The following TAFA1 variants were observed in gnomAD, a reference collection of about 807,000 sequenced individuals.
The protein encoded by TAFA1 is TAFA chemokine like family member 1.
A neutral mutation model predicts 18.5 loss-of-function variants in TAFA1; 4 were observed. The observed-to-expected ratio is 0.22, with a 90% CI of 0.11 to 0.49. The LOEUF (loss-of-function observed/expected upper bound fraction) is 0.49, where lower values mean the gene tolerates loss of function less well. TAFA1 is among the 20% of genes least tolerant of loss of function. TAFA1 has a pLI of 0.98. For missense variants in TAFA1, 147 were observed against 169.0 expected (o/e 0.87, Z 0.72); for synonymous variants, 56 against 55.2 (o/e 1.01, Z -0.06).
chr3:68,282,886 G>A (rs1254041673), intron 2 of TAFA1, among the ~76,000 whole-genome samples: 2 of 152,122 alleles, frequency 1.3e-5, no homozygotes, highest in African/African-American at 4.8e-5. Context: ...CATGAAAGGG[G>A]CCTTGGAGCT....
intron 2 of TAFA1, among the ~76,000 whole-genome samples, chr3:68,275,131 C>G (rs2067768937): frequency 6.6e-6 from 1 of 151,974 alleles, no homozygotes; most frequent in Non-Finnish European, 1.5e-5. Flanking sequence ...CTGAGCACAT[C>G]TAACGAAGAA....
intron 3 of TAFA1, among the ~76,000 whole-genome samples, chr3:68,492,727 T>A (rs2072475545): frequency 1.3e-5 from 2 of 151,898 alleles, no homozygotes; most frequent in Non-Finnish European, 2.9e-5. Context: ...TGTAGTTTTT[T>A]TCTTCTTCTT....
At chr3:68,406,064 C>T (rs761795771) in intron 2 of TAFA1, among the ~76,000 whole-genome samples, 2 of 152,098 alleles carry the variant, frequency 1.3e-5, no homozygotes, top group African/African-American at 2.4e-5. Flanking sequence ...CTTACAGGGA[C>T]GAGGGCTTAG....
chr3:68,271,366 A>G (rs2067663555), intron 2 of TAFA1, among the ~76,000 whole-genome samples: 1 of 152,070 alleles, frequency 6.6e-6, no homozygotes, highest in Admixed American at 6.6e-5. Context: ...ATAACCAATC[A>G]TATTGTCCAG....
intron 3 of TAFA1, among the ~76,000 whole-genome samples, chr3:68,455,564 C>G (rs1047796091): frequency 6.6e-6 from 1 of 152,122 alleles, no homozygotes; most frequent in Non-Finnish European, 1.5e-5. Context: ...CATTCATCTC[C>G]ATCAATTTGT....
chr3:68,104,049 C>G (rs941680818), intron 2 of TAFA1, among the ~76,000 whole-genome samples: 4 of 152,134 alleles, frequency 2.6e-5, no homozygotes, highest in African/African-American at 7.2e-5. Flanking sequence ...TCCAGTGCAT[C>G]ACAGGAATTT....
At chr3:68,491,136 G>T (rs2072444999) in intron 3 of TAFA1, among the ~76,000 whole-genome samples, 1 of 152,100 alleles carries the variant, frequency 6.6e-6, no homozygotes, top group South Asian at 2.1e-4. Flanking sequence ...ACTGCAGCTG[G>T]CCTCCTCCAC....
At chr3:68,037,558 C>A (rs1358993264) in intron 2 of TAFA1, among the ~76,000 whole-genome samples, 1 of 152,022 alleles carries the variant, frequency 6.6e-6, no homozygotes, top group Non-Finnish European at 1.5e-5. Context: ...TTCTTTTACT[C>A]AATAAAGTAG....
chr3:68,233,867 G>C (rs1241377440), intron 2 of TAFA1, among the ~76,000 whole-genome samples: 2 of 151,878 alleles, frequency 1.3e-5, no homozygotes, highest in East Asian at 3.9e-4. Flanking sequence ...TTTTTTGTCT[G>C]TGGTCTCACT....
At chr3:68,394,559 C>G (rs2070335442) in intron 2 of TAFA1, among the ~76,000 whole-genome samples, 1 of 152,124 alleles carries the variant, frequency 6.6e-6, no homozygotes, top group Non-Finnish European at 1.5e-5. Context: ...AACCATACTG[C>G]AAGACTACAG....
chr3:68,295,109 C>CCTTATATTTGCT (rs2068184712), intron 2 of TAFA1, among the ~76,000 whole-genome samples: 1 of 148,336 alleles, frequency 6.7e-6, no homozygotes, highest in Non-Finnish European at 1.5e-5. Context: ...CCTCCTGAGC[C>CCTTATATTTGCT]CTAACAGTTG....
At chr3:68,205,246 G>A (rs1009041060) in intron 2 of TAFA1, among the ~76,000 whole-genome samples, 8 of 151,806 alleles carry the variant, frequency 5.3e-5, no homozygotes, top group African/African-American at 1.7e-4. Flanking sequence ...ACTCTTAGTC[G>A]ATAAACCCAT....
chr3:68,141,910 C>G (rs1357665519), intron 2 of TAFA1, among the ~76,000 whole-genome samples: 1 of 152,188 alleles, frequency 6.6e-6, no homozygotes, highest in Non-Finnish European at 1.5e-5. Flanking sequence ...CTGAAAAGAA[C>G]CAGTTCAGCA....
intron 2 of TAFA1, among the ~76,000 whole-genome samples, chr3:68,040,005 G>A (rs1705131067): frequency 6.6e-6 from 1 of 152,184 alleles, no homozygotes; most frequent in Admixed American, 6.5e-5. Context: ...TATGTTCATA[G>A]AAAGTCCTCC....
intron 3 of TAFA1, among the ~76,000 whole-genome samples, chr3:68,524,827 C>A (rs1029346722): frequency 6.6e-6 from 1 of 152,026 alleles, no homozygotes; most frequent in Non-Finnish European, 1.5e-5. Flanking sequence ...CCCGCCACCA[C>A]CCCCTGCTAA....
At chr3:68,177,279 T>A (rs1180939791) in intron 2 of TAFA1, among the ~76,000 whole-genome samples, 2 of 152,180 alleles carry the variant, frequency 1.3e-5, no homozygotes, top group Non-Finnish European at 2.9e-5. Context: ...ATTTAATTGG[T>A]AAATCAACAT....
intron 2 of TAFA1, among the ~76,000 whole-genome samples, chr3:68,074,882 C>G (rs146171033): frequency 1.3e-5 from 2 of 152,316 alleles, no homozygotes; most frequent in East Asian, 3.9e-4. Context: ...TAGTTGTCAA[C>G]ATACAGAATG....
At chr3:68,125,356 T>C (rs988783648) in intron 2 of TAFA1, among the ~76,000 whole-genome samples, 1 of 152,226 alleles carries the variant, frequency 6.6e-6, no homozygotes, top group African/African-American at 2.4e-5. Context: ...TGTGCTGCTA[T>C]TGTGAATTTT....
At chr3:68,453,367 CT>C (rs1283447534) in intron 3 of TAFA1, among the ~76,000 whole-genome samples, 2 of 152,174 alleles carry the variant, frequency 1.3e-5, no homozygotes, top group Non-Finnish European at 2.9e-5. Flanking sequence ...AAATGCAATT[CT>C]TCTTCAAGTC....
Sources: gnomAD v4.1 joint callset for allele counts (sites outside exome capture counted in the v4.1 genomes callset) on GRCh38, gnomAD v4.1.1 for gene constraint, MANE v1.5 for transcripts, NCBI Gene and HGNC (gene_info 2026-07-23, HGNC 2026-07-21) for gene names.